The following DLGAP2 variants were observed in gnomAD, a reference collection of about 807,000 sequenced individuals.
DLGAP2 encodes the protein disks large-associated protein 2.
In DLGAP2, 26 loss-of-function variants were observed where a neutral mutation model predicts 100.3. That is an observed-to-expected ratio of 0.26 (90% CI 0.19 to 0.36). DLGAP2 has a LOEUF of 0.36. Among genes scored for constraint, DLGAP2 ranks in the 10% least tolerant of loss-of-function variants. The probability of loss-of-function intolerance (pLI) is 1.00; values close to 1 mark genes in which losing one functional copy is unlikely to be tolerated. For synonymous variants in DLGAP2, 886 were observed against 630.1 expected, an observed-to-expected ratio of 1.41 and a Z score of -6.08; for missense variants, 1,858 against 1,453.2, an observed-to-expected ratio of 1.28 and a Z score of -4.53.
intron 3 of DLGAP2, among the ~76,000 whole-genome samples, chr8:1,263,698 A>C (rs1192557349): frequency 6.6e-6 from 1 of 152,098 alleles, no homozygotes; most frequent in Non-Finnish European, 1.5e-5. Context: ...CTGGGGAAAA[A>C]ATGATAGGAT....
intron 6 of DLGAP2, among the ~76,000 whole-genome samples, chr8:1,588,760 AAAGG>A (rs1374551456): frequency 2.4e-4 from 36 of 150,836 alleles, no homozygotes; most frequent in Middle Eastern, 3.4e-3. Context: ...AAAAAAAAAA[AAAGG>A]AAAAAAAATT....
At chr8:1,482,029 A>C (rs1387205596) in intron 3 of DLGAP2, among the ~76,000 whole-genome samples, 2 of 152,208 alleles carry the variant, frequency 1.3e-5, no homozygotes, top group African/African-American at 2.4e-5. Flanking sequence ...CCTCGGGGGA[A>C]AGTTGGTGAT....
intron 2 of DLGAP2, among the ~76,000 whole-genome samples, chr8:1,256,998 C>T (rs972878700): frequency 7.9e-5 from 12 of 152,046 alleles, no homozygotes; most frequent in African/African-American, 2.4e-4. Context: ...CTCCTGCGTC[C>T]GATGGCTTCT....
intron 2 of DLGAP2, among the ~76,000 whole-genome samples, chr8:1,181,915 C>T (rs1030159463): frequency 6.6e-6 from 1 of 152,190 alleles, no homozygotes; most frequent in African/African-American, 2.4e-5. Context: ...TTCTCCTGTT[C>T]CTTGTCTGTG....
At chr8:1,556,048 A>G (rs1442930442) in intron 5 of DLGAP2, among the ~76,000 whole-genome samples, 3 of 152,250 alleles carry the variant, frequency 2.0e-5, no homozygotes, top group African/African-American at 7.2e-5. Flanking sequence ...ATGTAACTCA[A>G]GATGGTCGTG....
At chr8:1,079,092 A>G (rs1050103424) in intron 2 of DLGAP2, among the ~76,000 whole-genome samples, 1 of 152,190 alleles carries the variant, frequency 6.6e-6, no homozygotes, top group East Asian at 1.9e-4. Flanking sequence ...GCTTGTGGTC[A>G]TCTGAGCAGG....
intron 4 of DLGAP2, among the ~76,000 whole-genome samples, chr8:1,511,937 C>G (rs903505320): frequency 3.3e-5 from 5 of 152,208 alleles, no homozygotes; most frequent in Non-Finnish European, 7.3e-5. Context: ...AAAAAGCGTG[C>G]GTGTTTTATG....
At chr8:1,176,971 C>G (rs368867268) in intron 2 of DLGAP2, among the ~76,000 whole-genome samples, 15 of 152,182 alleles carry the variant, frequency 9.9e-5, no homozygotes, top group African/African-American at 3.1e-4. Flanking sequence ...AGTCACGGTT[C>G]ACACAAGCGG....
intron 1 of DLGAP2, among the ~76,000 whole-genome samples, chr8:789,439 G>A (rs1012409902): frequency 6.6e-6 from 1 of 152,150 alleles, no homozygotes; most frequent in African/African-American, 2.4e-5. Flanking sequence ...ACAGCAAGGG[G>A]AAATCCACCC....
chr8:738,161 A>C (rs2132550776), intron 1 of DLGAP2: 1 of 167,892 alleles, frequency 6.0e-6, no homozygotes, highest in Non-Finnish European at 1.3e-5. Flanking sequence ...GGAGGGGGCA[A>C]AGCCTGGGGG....
At chr8:1,152,523 A>G (rs1796714064) in intron 2 of DLGAP2, among the ~76,000 whole-genome samples, 1 of 152,198 alleles carries the variant, frequency 6.6e-6, no homozygotes, top group Non-Finnish European at 1.5e-5. Context: ...TTCCTCTCCC[A>G]AAGGCCCTTT....
intron 3 of DLGAP2, among the ~76,000 whole-genome samples, chr8:1,417,378 G>C (rs1224688246): frequency 6.6e-6 from 1 of 152,194 alleles, no homozygotes; most frequent in Non-Finnish European, 1.5e-5. Flanking sequence ...CACTGTCACT[G>C]CTTTTATCCT....
At chr8:1,272,335 G>A (rs1253287846) in intron 3 of DLGAP2, among the ~76,000 whole-genome samples, 1 of 152,102 alleles carries the variant, frequency 6.6e-6, no homozygotes, top group Admixed American at 6.6e-5. Context: ...GCATATTGTG[G>A]TAGGGGCCAA....
At chr8:1,213,577 C>T (rs1414989370) in intron 2 of DLGAP2, among the ~76,000 whole-genome samples, 5 of 152,120 alleles carry the variant, frequency 3.3e-5, no homozygotes, top group South Asian at 2.1e-4. Flanking sequence ...AGGTTTTCTG[C>T]GGCATCTTCC....
At chr8:1,450,928 C>T (rs1161662569) in intron 3 of DLGAP2, among the ~76,000 whole-genome samples, 1 of 152,104 alleles carries the variant, frequency 6.6e-6, no homozygotes, top group Non-Finnish European at 1.5e-5. Context: ...TTTTATGTTG[C>T]TTCTCTTTGT....
chr8:1,293,943 G>C (rs1800114634), intron 3 of DLGAP2, among the ~76,000 whole-genome samples: 1 of 152,158 alleles, frequency 6.6e-6, no homozygotes. Context: ...CAAGTATCAG[G>C]CTGCGGATAC....
chr8:1,180,306 C>T (rs1010559533), intron 2 of DLGAP2, among the ~76,000 whole-genome samples: 2 of 152,200 alleles, frequency 1.3e-5, no homozygotes, highest in East Asian at 1.9e-4. Context: ...CACTGCAGAG[C>T]GTTCCCTCCT....
intron 3 of DLGAP2, among the ~76,000 whole-genome samples, chr8:1,480,725 G>C (rs1208694046): frequency 6.6e-6 from 1 of 151,594 alleles, no homozygotes; most frequent in Non-Finnish European, 1.5e-5. Context: ...AACTAGCCAG[G>C]CATGGTGGTG....
chr8:1,445,992 C>G (rs1797975666), intron 3 of DLGAP2, among the ~76,000 whole-genome samples: 1 of 151,490 alleles, frequency 6.6e-6, no homozygotes, highest in South Asian at 2.1e-4. Flanking sequence ...TGGATATTAG[C>G]CCTTTGTCAG....
Sources: allele counts gnomAD v4.1 joint callset (sites outside exome capture counted in the v4.1 genomes callset), GRCh38; gene constraint gnomAD v4.1.1; transcripts MANE v1.5; gene names NCBI Gene and HGNC (gene_info 2026-07-23, HGNC 2026-07-21).